HSDL1: variants seen among roughly 807,000 people sequenced by gnomAD.
HSDL1 encodes the protein hydroxysteroid dehydrogenase like 1, also known as inactive hydroxysteroid dehydrogenase-like protein 1.
In HSDL1, 29 loss-of-function variants were observed where a neutral mutation model predicts 31.5. That is an observed-to-expected ratio of 0.92 (90% CI 0.69 to 1.26). The LOEUF is 1.26. Ranked by LOEUF, HSDL1 falls within the 50% of genes most tolerant of loss-of-function variation. HSDL1 has a pLI of 0.00. For synonymous variants in HSDL1, 222 were observed against 155.2 expected, an observed-to-expected ratio of 1.43 and a Z score of -3.20; for missense variants, 503 against 416.6, an observed-to-expected ratio of 1.21 and a Z score of -1.81.
In HSDL1 at chr16:84,130,340, C is replaced by G. The variant is rs2086651208; in HGVS notation, c.312G>C (p.Leu104Phe). ...IILISRNEEKLQVVAKDIADT... is the reference protein window; with the variant it reads ...IILISRNEEKFQVVAKDIADT... Reference sequence around the variant, plus strand: ...CGGCTATGTCTTTAGCAACAACCTGCAACTTCTCCTCGTTCCGACTAATCA... The same window carrying G: ...CGGCTATGTCTTTAGCAACAACCTGGAACTTCTCCTCGTTCCGACTAATCA... Residue 104 changes from leucine (L) to phenylalanine (F), a missense_variant, in exon 4 of 6, where the codon TTG becomes TTC. Leu to Phe is a conservative substitution (Grantham distance 22). Transcript: ENST00000219439. 1 of 1,614,132 alleles carries G rather than the reference C, an allele frequency of 6.2e-7. No homozygotes were observed. The highest frequency in any genetic ancestry group is 1.3e-5 in the African/African-American group (1 of 74,952).
intron 1 of HSDL1, among the ~76,000 whole-genome samples, chr16:84,141,760 C>A (rs776904949): frequency 1.3e-5 from 2 of 152,158 alleles, no homozygotes; most frequent in Non-Finnish European, 2.9e-5. Context: ...AGGCTGCAGT[C>A]CTTTTTATAT....
rs1163009657 is a variant in HSDL1, at chr16:84,124,683, C to T, written c.940G>A (p.Ala314Thr). 6.2e-7 allele frequency: 1 copy of T among 1,613,876 alleles called. No homozygotes were observed. The highest frequency in any genetic ancestry group is 1.1e-5 in the South Asian group (1 of 91,082). ...YMPEWLWVWGANILNRSLRKE... is the reference protein window; with the variant it reads ...YMPEWLWVWGTNILNRSLRKE... ...CGTAGTGAACGGTTGAGAATATTTG[C>T]TCCCCACACCCAGAGCCATTCAGGC... The change falls in exon 6 of 6, where the codon GCA becomes ACA. Residue 314 changes from alanine to threonine, a missense_variant. Transcript: ENST00000219439.
Position 84,123,852 on chromosome 16 carries a change from ATTCCATAGCAGAT to A in HSDL1, c.*765_*777del, listed in dbSNP as rs2086577652. ...CATATCCAAATCTAGGAATAAGTTCATTCCATAGCAGATTTGAAAAAACACAAATATAATGTAG... is the reference window on the plus strand; with the variant it reads ...CATATCCAAATCTAGGAATAAGTTCATTGAAAAAACACAAATATAATGTAG... On this transcript the variant is annotated 3_prime_UTR_variant, in exon 6 of 6. Coordinates refer to ENST00000219439, the MANE Select transcript of HSDL1 (RefSeq NM_031463.5). The A allele has an allele frequency of 6.6e-6, 1 of 152,232 alleles. No homozygotes were observed. The highest frequency in any genetic ancestry group is 1.5e-5 in the Non-Finnish European group (1 of 68,030). The allele number at this position is 152,232 out of a possible 1,614,324, so 9.4% of individuals were successfully genotyped here. A position where few individuals can be genotyped will look rare whatever the true frequency, so the allele number is the denominator to read the frequency against.
At chr16:84,137,961 G>A (rs908204925) in intron 1 of HSDL1, among the ~76,000 whole-genome samples, 4 of 150,984 alleles carry the variant, frequency 2.6e-5, no homozygotes, top group African/African-American at 5.0e-5. Flanking sequence ...CGGTCTGAGC[G>A]TTCCGCCCCA....
intron 1 of HSDL1, among the ~76,000 whole-genome samples, chr16:84,138,530 G>C (rs1037479417): frequency 1.3e-5 from 2 of 152,108 alleles, no homozygotes; most frequent in African/African-American, 2.4e-5. Context: ...TTTGGTTGTG[G>C]TGATCATTTC....
chr16:84,123,648 A>G lies in HSDL1; in HGVS notation c.*982T>C, dbSNP rs1417070749. 1 of 152,608 alleles carries G rather than the reference A, an allele frequency of 6.6e-6. No individual in the cohort carries two copies. The highest frequency in any genetic ancestry group is 2.4e-5 in the African/African-American group (1 of 41,432). The allele number at this position is 152,608 out of a possible 1,614,324, so 9.5% of individuals were successfully genotyped here. A position where few individuals can be genotyped will look rare whatever the true frequency, so the allele number is the denominator to read the frequency against. ...TTTTACTATTCCATAAATACTTACT[A>G]TTTCTATCAATAATGCTACTGGAAT... On this transcript the variant is annotated 3_prime_UTR_variant, in exon 6 of 6. Coordinates refer to ENST00000219439, the MANE Select transcript of HSDL1 (RefSeq NM_031463.5).
At chr16:84,135,442 A>C (rs2086703675) in intron 2 of HSDL1, 102 bp downstream of exon 2, 1 of 151,932 alleles carries the variant, frequency 6.6e-6, no homozygotes. Context: ...TTTTTTCAAG[A>C]ATCTGAACCT....
At chr16:84,144,378 T>C (rs888992735) in intron 1 of HSDL1, 14 of 152,238 alleles carry the variant, frequency 9.2e-5, no homozygotes, top group African/African-American at 3.4e-4. Flanking sequence ...CAGTCACCTG[T>C]ACACATCATG....
chr16:84,127,621 C>T (rs1003386485), intron 5 of HSDL1, among the ~76,000 whole-genome samples: 8 of 149,380 alleles, frequency 5.4e-5, no homozygotes, highest in Non-Finnish European at 1.0e-4. Context: ...ACTCTTCATG[C>T]AAACAGTCCC....
At chr16:84,143,156 C>T (rs1184646564) in intron 1 of HSDL1, among the ~76,000 whole-genome samples, 1 of 152,194 alleles carries the variant, frequency 6.6e-6, no homozygotes, top group Non-Finnish European at 1.5e-5. Flanking sequence ...CTTGCATGTT[C>T]ACAGTGGCCT....
chr16:84,125,558 ATCACAACAAATACCCACCAG>A (rs932357813), intron 5 of HSDL1, among the ~76,000 whole-genome samples: 9 of 151,960 alleles, frequency 5.9e-5, no homozygotes, highest in African/African-American at 1.2e-4. Context: ...CCACCAATCA[ATCACAACAAATACCCACCAG>A]TCACAACAAA....
At chr16:84,130,648 G>A (rs2086654883) in intron 3 of HSDL1, among the ~76,000 whole-genome samples, 2 of 152,336 alleles carry the variant, frequency 1.3e-5, no homozygotes, top group East Asian at 1.9e-4. Context: ...CGGACAGGGA[G>A]TTATTTTACA....
At chr16:84,125,875 G>A (rs529370023) in intron 5 of HSDL1, among the ~76,000 whole-genome samples, 2 of 152,180 alleles carry the variant, frequency 1.3e-5, no homozygotes, top group Admixed American at 6.5e-5. Context: ...AGGCCGAGGC[G>A]GGTGGATCAT....
At chr16:84,140,770 C>T (rs1432207943) in intron 1 of HSDL1, among the ~76,000 whole-genome samples, 2 of 152,098 alleles carry the variant, frequency 1.3e-5, no homozygotes, top group East Asian at 3.9e-4. Context: ...ACTCTTTTAA[C>T]AAAACAGCTG....
In HSDL1 at chr16:84,131,574, G is replaced by A. The variant is rs563444540; in HGVS notation, c.-6-247C>T. 1.1e-4 allele frequency among the ~76,000 whole-genome samples: 16 copies of A among 152,182 alleles called. No homozygotes were observed. In the South Asian group the frequency reaches 2.9e-3, roughly 28 times the overall value. ...CTGTCGCCCAGGCTGGAGTGCAGTG[G>A]TGCGATTTTGGCTCACTGCAACCTC... On this transcript the variant is annotated intron_variant, in intron 2 of 5. Coordinates refer to ENST00000219439, the MANE Select transcript of HSDL1 (RefSeq NM_031463.5).
intron 1 of HSDL1, among the ~76,000 whole-genome samples, chr16:84,139,457 T>C (rs1481704836): frequency 6.6e-6 from 1 of 152,104 alleles, no homozygotes; most frequent in Non-Finnish European, 1.5e-5. Context: ...GGGTGGCCTC[T>C]AGAAGCTGGC....
intron 2 of HSDL1, 50 bp downstream of exon 2, chr16:84,135,494 G>C (rs1199644724): frequency 1.3e-5 from 2 of 152,052 alleles, no homozygotes; most frequent in East Asian, 3.9e-4. Context: ...GACCACAAAG[G>C]GGGCCCCAGT....
chr16:84,131,224 G>A lies in HSDL1; in HGVS notation c.98C>T (p.Thr33Met), dbSNP rs143907842. ...EALALVGAWYTARKSITVICD... is the reference protein window; with the variant it reads ...EALALVGAWYMARKSITVICD... The stretch of plus-strand genomic sequence containing the variant: ...GATGACAGTGATGCTTTTTCTGGCC[G>A]TATACCAGGCTCCAACCAAAGCTAG... The change falls in exon 3 of 6, where the codon ACG becomes ATG. Residue 33 changes from threonine (T) to methionine (M), a missense_variant. Transcript: ENST00000219439. The A allele has an allele frequency of 4.0e-4, 651 of 1,614,046 alleles. No individual in the cohort carries two copies. Among genetic ancestry groups the A allele is most frequent in the South Asian group, 6.7e-4 (61 of 91,074 alleles).
rs2086641208 is a variant in HSDL1 at position 84,129,578 on chromosome 16, C to T, written c.864G>A (p.Arg288=). ...HAVSTLGISK[R]TTGYWSHSIQ... is the part of the protein sequence containing the mutation. ...TAGAATGGGACCAATATCCTGTGGT[C>T]CTTTTGGAAATCCCAAGAGTAGAAA... is the stretch of plus-strand genomic sequence containing the variant. The change falls in exon 5 of 6, where the codon AGG becomes AGA. Residue 288 remains arginine (R), a synonymous_variant. Transcript: ENST00000219439. 1.9e-6 allele frequency: 3 copies of T among 1,613,986 alleles called. No individual in the cohort carries two copies. The highest frequency in any genetic ancestry group is 2.5e-6 in the Non-Finnish European group (3 of 1,179,996).
Sources: allele counts gnomAD v4.1 joint callset (sites outside exome capture counted in the v4.1 genomes callset), GRCh38; gene constraint gnomAD v4.1.1; transcripts MANE v1.5; gene names NCBI Gene and HGNC (gene_info 2026-07-23, HGNC 2026-07-21).